The following UHMK1 variants were observed in gnomAD, a reference collection of about 807,000 sequenced individuals.
UHMK1 encodes the protein U2AF homology motif kinase 1.
UHMK1 carries 18 observed loss-of-function variants against 44.0 expected under a neutral mutation model. The ratio of observed to expected loss-of-function variants is 0.41; its 90% CI spans 0.28 to 0.61. The LOEUF (loss-of-function observed/expected upper bound fraction) is 0.61. Ranked by LOEUF, UHMK1 falls within the 20% of genes least tolerant of loss-of-function variation. The pLI is 0.31. For synonymous variants in UHMK1, 231 were observed against 198.5 expected (o/e 1.16, Z -1.38); for missense variants, 463 against 522.5 (o/e 0.89, Z 1.11).
intron 6 of UHMK1, chr1:162,513,102 T>G (rs1651724978): frequency 2.9e-6 from 1 of 342,018 alleles, no homozygotes; most frequent in Admixed American, 4.0e-5. Flanking sequence ...CCACCAGACC[T>G]GGCTAATTTT....
At chr1:162,516,309 G>GT (rs1651831980) in intron 6 of UHMK1, among the ~76,000 whole-genome samples, 1 of 152,146 alleles carries the variant, frequency 6.6e-6, no homozygotes, top group Non-Finnish European at 1.5e-5. Context: ...AGAAATTATG[G>GT]TATGTGTTGG....
upstream of UHMK1, chr1:162,497,224 C>G (rs10919549): frequency 0.45 from 315,408 of 698,988 alleles, 71,552 homozygotes; most frequent in East Asian, 0.48. Context: ...CCTCCAGGTA[C>G]CAGGCTTCCA....
rs11808845 is a variant in UHMK1 at position 162,523,084 on chromosome 1, G to A, written c.*534G>A. The A allele has an allele frequency of 0.027, 4,095 of 153,484 alleles. 97 individuals are homozygous for A. The highest frequency in any genetic ancestry group is 0.043 in the Non-Finnish European group (2,929 of 68,560). 9.5% of individuals were successfully genotyped at this position (153,484 alleles called of 1,614,324 possible). A position where few individuals can be genotyped will look rare whatever the true frequency, so the allele number is the denominator to read the frequency against. On this transcript the variant is annotated 3_prime_UTR_variant, in exon 8 of 8. Transcript: ENST00000489294. ...GTGAATTTTTTCTTAAAGCAGTACT[G>A]TAGTACTGAATATTCCTTTAAAGGA...
chr1:162,517,127 T>C (rs560904014), intron 6 of UHMK1, among the ~76,000 whole-genome samples: 2 of 152,128 alleles, frequency 1.3e-5, no homozygotes, highest in Non-Finnish European at 2.9e-5. Context: ...GGTGAAACCC[T>C]GTCTCTACTA....
intron 2 of UHMK1, chr1:162,500,697 A>G (rs1651237724): frequency 1.9e-6 from 1 of 525,428 alleles, no homozygotes. Context: ...AATCCAAAGA[A>G]GACTTCTTTA....
At chr1:162,515,492 C>T (rs1651803184) in intron 6 of UHMK1, among the ~76,000 whole-genome samples, 1 of 152,112 alleles carries the variant, frequency 6.6e-6, no homozygotes, top group Admixed American at 6.6e-5. Context: ...TTTCATATCC[C>T]TACAGTGTAG....
chr1:162,512,763 G>T lies in UHMK1; in HGVS notation c.964G>T (p.Val322Leu). The change falls in exon 6 of 8, where the codon GTG (valine) becomes TTG (leucine). Residue 322 changes from valine (V) to leucine (L), a missense_variant. By Grantham distance (32) the Val-to-Leu change is conservative. Coordinates refer to ENST00000489294, the MANE Select transcript of UHMK1 (RefSeq NM_175866.5). Reference sequence around the variant, plus strand: ...AGATCTGGTCATGCTTCCCACTCCAGTGCTAAGACTGCTGAATGTGCTGGA... The same window carrying T: ...AGATCTGGTCATGCTTCCCACTCCATTGCTAAGACTGCTGAATGTGCTGGA... ...IEDLVMLPTP[V>L]LRLLNVLDDD... The T allele has an allele frequency of 1.2e-6, 2 of 1,614,104 alleles. No individual in the cohort carries two copies. The highest frequency in any genetic ancestry group is 1.7e-6 in the Non-Finnish European group (2 of 1,180,018).
chr1:162,509,595 A>G (rs1244073909), intron 4 of UHMK1, among the ~76,000 whole-genome samples: 1 of 152,176 alleles, frequency 6.6e-6, no homozygotes, highest in Non-Finnish European at 1.5e-5. Context: ...AGATGCCAAT[A>G]TAGTGCAAAT....
In UHMK1 at chr1:162,522,606, A is replaced by G. The variant is rs529555469; in HGVS notation, c.*56A>G. The stretch of plus-strand genomic sequence containing the variant: ...CCTCTTCCATTTCTTGGGTTATTCC[A>G]CATATGAATGCAGGACTACCCCCTT... On this transcript the variant is annotated 3_prime_UTR_variant, in exon 8 of 8. Transcript: ENST00000489294. 2.5e-5 allele frequency: 39 copies of G among 1,563,966 alleles called. No homozygotes were observed. The African/African-American group carries it at 5.2e-4, about 21-fold the overall frequency.
chr1:162,524,455 G>A lies in UHMK1; in HGVS notation c.*1905G>A, dbSNP rs10158479. On this transcript the variant is annotated 3_prime_UTR_variant, in exon 8 of 8. Coordinates refer to ENST00000489294, the MANE Select transcript of UHMK1 (RefSeq NM_175866.5). ...TGATTATAAATTGGTTTGTTTTCAA[G>A]TCAGAATTCAAGTGGGCAGAACCCG... The A allele has an allele frequency of 9.6e-4, 146 of 152,246 alleles. No individual in the cohort carries two copies. Among genetic ancestry groups the A allele is most frequent in the African/African-American group, 3.2e-3 (134 of 41,560 alleles). 9.4% of individuals were successfully genotyped at this position (152,246 alleles called of 1,614,324 possible). A position where few individuals can be genotyped will look rare whatever the true frequency, so the allele number is the denominator to read the frequency against.
intron 3 of UHMK1, among the ~76,000 whole-genome samples, chr1:162,501,457 C>T (rs955070851): frequency 3.9e-5 from 6 of 152,176 alleles, no homozygotes; most frequent in Admixed American, 2.0e-4. Context: ...CATGAGCCAC[C>T]GCACCTGGCC....
chr1:162,501,210 C>G, intron 3 of UHMK1, 106 bp downstream of exon 3: 1 of 1,196,600 alleles, frequency 8.4e-7, no homozygotes, highest in South Asian at 1.6e-5. Flanking sequence ...CACTCTTTCA[C>G]CCAGGCTGGA....
Position 162,523,873 on chromosome 1 carries a change from C to A in UHMK1, c.*1323C>A, listed in dbSNP as rs1174541691. ...GAAAGGAAGAAAAACTCAAAGAATT[C>A]TTAAAAGGATTCATAGCAACATAAT... is the stretch of plus-strand genomic sequence containing the variant. On this transcript the variant is annotated 3_prime_UTR_variant, in exon 8 of 8. Coordinates refer to ENST00000489294, the MANE Select transcript of UHMK1 (RefSeq NM_175866.5). 1.3e-5 allele frequency: 2 copies of A among 152,060 alleles called. No homozygotes were observed. The highest frequency in any genetic ancestry group is 4.8e-5 in the African/African-American group (2 of 41,406). 9.4% of individuals were successfully genotyped at this position (152,060 alleles called of 1,614,324 possible). A position where few individuals can be genotyped will look rare whatever the true frequency, so the allele number is the denominator to read the frequency against.
intron 6 of UHMK1, 157 bp downstream of exon 6, chr1:162,512,980 T>G: frequency 1.4e-6 from 1 of 727,862 alleles, no homozygotes; most frequent in Non-Finnish European, 2.1e-6. Context: ...GAGGCGGAGT[T>G]TCACTCTTGT....
intron 4 of UHMK1, among the ~76,000 whole-genome samples, chr1:162,512,103 C>T (rs1651688285): frequency 6.7e-6 from 1 of 149,008 alleles, no homozygotes; most frequent in South Asian, 2.1e-4. Flanking sequence ...TAGATATTGT[C>T]CATGGGTTTT....
chr1:162,516,745 T>G (rs1651849984), intron 6 of UHMK1, among the ~76,000 whole-genome samples: 1 of 152,192 alleles, frequency 6.6e-6, no homozygotes, highest in Admixed American at 6.5e-5. Flanking sequence ...AGACAAGTAT[T>G]TTACACATAT....
intron 4 of UHMK1, among the ~76,000 whole-genome samples, chr1:162,507,360 C>T (rs1032924191): frequency 1.3e-4 from 19 of 151,994 alleles, no homozygotes; most frequent in African/African-American, 4.6e-4. Flanking sequence ...TCTCGTGATC[C>T]GCCTGCCTTG....
intron 7 of UHMK1, among the ~76,000 whole-genome samples, chr1:162,520,749 C>T (rs1348365845): frequency 6.6e-6 from 1 of 152,014 alleles, no homozygotes; most frequent in Non-Finnish European, 1.5e-5. Flanking sequence ...TGGTAGGGGG[C>T]TTATTAAGTA....
chr1:162,521,229 A>G (rs189149523), intron 7 of UHMK1, among the ~76,000 whole-genome samples: 178 of 152,340 alleles, frequency 1.2e-3, no homozygotes, highest in Admixed American at 3.7e-3. Context: ...TTAAAATGAT[A>G]CAGCCCTATT....
Sources: allele counts gnomAD v4.1 joint callset (sites outside exome capture counted in the v4.1 genomes callset), GRCh38; gene constraint gnomAD v4.1.1; transcripts MANE v1.5; gene names NCBI Gene and HGNC (gene_info 2026-07-23, HGNC 2026-07-21).